Variants in TXNDC8 observed in about 807,000 individuals in gnomAD.
TXNDC8 encodes the protein thioredoxin domain containing 8.
A neutral mutation model predicts 12.9 loss-of-function variants in TXNDC8; 15 were observed. The observed-to-expected ratio is 1.16, with a 90% confidence interval of 0.78 to 1.79. The LOEUF is 1.79. Among genes scored for constraint, TXNDC8 ranks in the 40% most tolerant of loss-of-function variants. TXNDC8 has a pLI of 0.00. For synonymous variants in TXNDC8, 40 were observed against 35.4 expected, an observed-to-expected ratio of 1.13 and a Z score of -0.46; for missense variants, 128 against 113.2, an observed-to-expected ratio of 1.13 and a Z score of -0.59.
intron 3 of TXNDC8, among the ~76,000 whole-genome samples, chr9:110,317,259 A>G (rs1382147697): frequency 6.6e-6 from 1 of 152,182 alleles, no homozygotes; most frequent in African/African-American, 2.4e-5. Flanking sequence ...TTTGGGGGCC[A>G]TTCCCTTCAA....
At chr9:110,310,262 A>AT (rs1452011618) in intron 3 of TXNDC8, among the ~76,000 whole-genome samples, 1 of 151,312 alleles carries the variant, frequency 6.6e-6, no homozygotes, top group Non-Finnish European at 1.5e-5. Flanking sequence ...AATTTCTATA[A>AT]TTTTTTGTTT....
intron 3 of TXNDC8, among the ~76,000 whole-genome samples, chr9:110,312,455 C>T (rs1011099539): frequency 6.6e-6 from 1 of 152,216 alleles, no homozygotes; most frequent in African/African-American, 2.4e-5. Context: ...TACACAGTTT[C>T]TGTACAGGAT....
chr9:110,324,081 A>G, intron 3 of TXNDC8: 3 of 1,465,980 alleles, frequency 2.0e-6, no homozygotes, highest in South Asian at 2.8e-5. Flanking sequence ...TAGAGAATGG[A>G]TGCTGGGTGC....
chr9:110,311,676 C>T, intron 3 of TXNDC8, among the ~76,000 whole-genome samples: 1 of 85,054 alleles, frequency 1.2e-5, no homozygotes, highest in Non-Finnish European at 2.3e-5. Flanking sequence ...TATAGTATAT[C>T]CTTATATATA....
intron 3 of TXNDC8, among the ~76,000 whole-genome samples, chr9:110,312,302 C>G (rs1387799100): frequency 6.6e-6 from 1 of 152,182 alleles, no homozygotes; most frequent in African/African-American, 2.4e-5. Flanking sequence ...CAATAAGAAC[C>G]TGTTTTCATT....
intron 1 of TXNDC8, among the ~76,000 whole-genome samples, chr9:110,336,978 G>A (rs905688594): frequency 2.0e-5 from 3 of 152,188 alleles, no homozygotes; most frequent in African/African-American, 7.2e-5. Flanking sequence ...AAAACAATAA[G>A]TGTCAAAAGC....
chr9:110,325,129 G>A (rs1279048595), intron 3 of TXNDC8, among the ~76,000 whole-genome samples: 8 of 148,584 alleles, frequency 5.4e-5, no homozygotes, highest in Non-Finnish European at 9.0e-5. Context: ...CCCCACCCCC[G>A]AAAAAAAAAG....
intron 1 of TXNDC8, among the ~76,000 whole-genome samples, chr9:110,335,330 G>A (rs776068178): frequency 1.3e-5 from 2 of 152,070 alleles, no homozygotes; most frequent in Non-Finnish European, 2.9e-5. Context: ...TCTGCCTCCC[G>A]GACTCAAGCC....
At chr9:110,326,001 T>C (rs1225577554) in intron 3 of TXNDC8, among the ~76,000 whole-genome samples, 174 bp downstream of exon 4, 1 of 152,178 alleles carries the variant, frequency 6.6e-6, no homozygotes, top group Non-Finnish European at 1.5e-5. Context: ...TTTGTAAAGT[T>C]GTATGTAAAG....
intron 3 of TXNDC8, among the ~76,000 whole-genome samples, chr9:110,315,935 T>C (rs1177238685): frequency 5.9e-5 from 9 of 152,018 alleles, no homozygotes; most frequent in Admixed American, 5.9e-4. Context: ...TCTTGCTCTG[T>C]CACTGAGGCT....
At chr9:110,324,015 T>C (rs774286326) in intron 3 of TXNDC8, 40 of 1,548,906 alleles carry the variant, frequency 2.6e-5, no homozygotes, top group Non-Finnish European at 3.3e-5. Context: ...AGGAAGTACA[T>C]GGGATAAGAA....
intron 3 of TXNDC8, among the ~76,000 whole-genome samples, chr9:110,320,142 C>A (rs1306388442): frequency 6.6e-6 from 1 of 151,888 alleles, no homozygotes; most frequent in Non-Finnish European, 1.5e-5. Context: ...GCAGTTGCCC[C>A]AAACTTGCTA....
At chr9:110,317,973 G>A (rs1175564053) in intron 3 of TXNDC8, among the ~76,000 whole-genome samples, 1 of 152,220 alleles carries the variant, frequency 6.6e-6, no homozygotes, top group African/African-American at 2.4e-5. Context: ...GGCGTGTCAA[G>A]TTGCTTTGCA....
rs1839136562 is a variant in TXNDC8, at chr9:110,322,385, A to G, written c.195+3790T>C. 3.0e-6 allele frequency: 3 copies of G among 985,336 alleles called. No individual in the cohort carries two copies. The South Asian group carries it at 1.4e-4, about 46-fold the overall frequency. 61.0% of individuals were successfully genotyped at this position (985,336 alleles called of 1,614,324 possible). On this transcript the variant is annotated intron_variant, in intron 3 of 4. Transcript: ENST00000423740. The stretch of plus-strand genomic sequence containing the variant: ...CTAATAGCTGCCTGGCAGAAAATTC[A>G]GATTTGAGATCTTTAGTGATCTCTG...
At chr9:110,309,454 G>T (rs545831021) in intron 3 of TXNDC8, among the ~76,000 whole-genome samples, 4 of 152,228 alleles carry the variant, frequency 2.6e-5, no homozygotes, top group Non-Finnish European at 4.4e-5. Flanking sequence ...TCCTGCCTCT[G>T]CCTCCCTAGT....
At chr9:110,301,977 CTATT>C (rs1189699671), downstream of TXNDC8, among the ~76,000 whole-genome samples, 2 of 151,666 alleles carry the variant, frequency 1.3e-5, no homozygotes, top group South Asian at 2.1e-4. Context: ...TTTTATTTAT[CTATT>C]TATTTATTTA....
intron 3 of TXNDC8, among the ~76,000 whole-genome samples, chr9:110,315,557 A>G (rs1838852804): frequency 2.0e-5 from 3 of 152,388 alleles, no homozygotes; most frequent in Admixed American, 2.0e-4. Flanking sequence ...TGACACACTC[A>G]AAAGATAATT....
rs1305479581 is a variant in TXNDC8 at position 110,333,947 on chromosome 9, GA to G, written c.129+268del. 4.6e-5 allele frequency among the ~76,000 whole-genome samples: 7 copies of G among 152,312 alleles called. No homozygotes were observed. The South Asian group carries it at 1.5e-3, about 32-fold the overall frequency. On this transcript the variant is annotated intron_variant, in intron 2 of 4. Transcript: ENST00000423740. ...TAAAATGTCATTGCTATAATATGAA[GA>G]ATCCATTAATTTGTACAATTGGACT...
intron 3 of TXNDC8, among the ~76,000 whole-genome samples, chr9:110,309,297 G>A (rs1042880403): frequency 6.6e-6 from 1 of 151,990 alleles, no homozygotes; most frequent in East Asian, 1.9e-4. Flanking sequence ...ACAATATGCA[G>A]CAGCCCTACA....
Sources: allele counts gnomAD v4.1 joint callset (sites outside exome capture counted in the v4.1 genomes callset), GRCh38; gene constraint gnomAD v4.1.1; transcripts MANE v1.5; gene names NCBI Gene and HGNC (gene_info 2026-07-23, HGNC 2026-07-21).